Variants in RARB observed in about 807,000 individuals in gnomAD.
RARB encodes the protein retinoic acid receptor beta, also known as HBV-activated protein.
RARB carries 17 observed loss-of-function variants against 51.9 expected under a neutral mutation model. That is an observed-to-expected ratio of 0.33 (90% CI 0.22 to 0.49). The LOEUF (loss-of-function observed/expected upper bound fraction) is 0.49. Among genes scored for constraint, RARB ranks in the 20% least tolerant of loss-of-function variants. The pLI, the probability that RARB is intolerant of heterozygous loss-of-function variation, is 0.99. For synonymous variants in RARB, 215 were observed against 195.4 expected (o/e 1.10, Z -0.84); for missense variants, 369 against 550.8 (o/e 0.67, Z 3.30).
chr3:25,180,105 C>T (rs28699485), intron 5 of RARB, among the ~76,000 whole-genome samples: 238 of 152,182 alleles, frequency 1.6e-3, no homozygotes, highest in South Asian at 1.5e-3. Context: ...AAGTATGTCC[C>T]TAAGTAGAGG....
At chr3:24,843,436 G>A (rs1702443886) in intron 1 of RARB, among the ~76,000 whole-genome samples, 1 of 152,154 alleles carries the variant, frequency 6.6e-6, no homozygotes, top group South Asian at 2.1e-4. Flanking sequence ...TTTCTCACCT[G>A]TAAAAGAGAT....
intron 2 of RARB, among the ~76,000 whole-genome samples, chr3:25,055,891 G>A (rs1409437343): frequency 6.6e-6 from 1 of 152,114 alleles, no homozygotes; most frequent in Non-Finnish European, 1.5e-5. Flanking sequence ...GAGCTGCCAT[G>A]TTCTAAGATG....
intron 2 of RARB, among the ~76,000 whole-genome samples, chr3:24,909,933 T>C (rs1694954925): frequency 6.6e-6 from 1 of 152,180 alleles, no homozygotes; most frequent in Admixed American, 6.5e-5. Flanking sequence ...CAGTAAAGTG[T>C]CGAATTTCTA....
intron 1 of RARB, among the ~76,000 whole-genome samples, chr3:25,429,878 T>G (rs1708135395): frequency 6.6e-6 from 1 of 152,230 alleles, no homozygotes; most frequent in Admixed American, 6.5e-5. Context: ...ATGTTTTTAG[T>G]ACTTTATTTG....
At chr3:25,484,287 T>C (rs1413154085) in intron 2 of RARB, among the ~76,000 whole-genome samples, 1 of 152,224 alleles carries the variant, frequency 6.6e-6, no homozygotes, top group Non-Finnish European at 1.5e-5. Flanking sequence ...TGAGGTTTTC[T>C]TCATGTCCTG....
intron 4 of RARB, 84 bp downstream of exon 4, chr3:25,570,002 A>G (rs1700648024): frequency 1.4e-6 from 2 of 1,422,940 alleles, no homozygotes; most frequent in South Asian, 1.4e-5. Context: ...ACACACACAC[A>G]CACACACACA....
Position 25,231,813 on chromosome 3 carries a change from G to A in RARB, c.178+57238G>A, listed in dbSNP as rs59791229. ...GTTTTTAATATAATCTGCTTATATGGGTTTTTCAGAGATAAAACTTGCAAC... is the reference window on the plus strand; with the variant it reads ...GTTTTTAATATAATCTGCTTATATGAGTTTTTCAGAGATAAAACTTGCAAC... On this transcript the variant is annotated intron_variant, in intron 5 of 11. Coordinates refer to the RARB transcript ENST00000383772. 6.8e-3 allele frequency among the ~76,000 whole-genome samples: 1,039 copies of A among 152,092 alleles called. 12 individuals are homozygous for A. The highest frequency in any genetic ancestry group is 0.024 in the African/African-American group (987 of 41,490).
At chr3:25,160,112 ACTGTTT>A (rs1367460373) in intron 4 of RARB, among the ~76,000 whole-genome samples, 2 of 152,210 alleles carry the variant, frequency 1.3e-5, no homozygotes, top group African/African-American at 4.8e-5. Flanking sequence ...CTTTCCTGTA[ACTGTTT>A]AACTGTCTCC....
intron 3 of RARB, among the ~76,000 whole-genome samples, chr3:25,110,582 A>G (rs2125325079): frequency 6.6e-6 from 1 of 152,338 alleles, no homozygotes; most frequent in Non-Finnish European, 1.5e-5. Context: ...CACCTAGTAA[A>G]GGAGAACCAT....
intron 2 of RARB, among the ~76,000 whole-genome samples, chr3:24,945,609 A>G (rs180963231): frequency 5.9e-4 from 90 of 152,316 alleles, no homozygotes; most frequent in Non-Finnish European, 1.1e-3. Flanking sequence ...GACTTCTTTG[A>G]ATGAACGTAT....
chr3:24,875,219 T>C (rs561448606), intron 2 of RARB, among the ~76,000 whole-genome samples: 4 of 152,292 alleles, frequency 2.6e-5, no homozygotes, highest in African/African-American at 9.6e-5. Context: ...TGCATATTTT[T>C]AGTGAACCAA....
At chr3:25,544,075 G>A (rs1699504800) in intron 3 of RARB, among the ~76,000 whole-genome samples, 1 of 152,098 alleles carries the variant, frequency 6.6e-6, no homozygotes, top group Non-Finnish European at 1.5e-5. Context: ...ACTCATAGAA[G>A]GGAACACTAT....
chr3:25,391,502 A>G (rs922665283), intron 5 of RARB, among the ~76,000 whole-genome samples: 21 of 152,186 alleles, frequency 1.4e-4, no homozygotes, highest in African/African-American at 4.6e-4. Context: ...ACTAGTTTAC[A>G]TTCCCAATAG....
chr3:25,116,848 A>G (rs1604008), intron 3 of RARB, among the ~76,000 whole-genome samples: 148,043 of 152,162 alleles, frequency 0.97, 72,047 homozygotes, highest in African/African-American at 0.99. Context: ...GTGATTCATG[A>G]CAACTGAATA....
intron 2 of RARB, among the ~76,000 whole-genome samples, chr3:24,864,378 G>T (rs762253655): frequency 6.6e-6 from 1 of 152,116 alleles, no homozygotes. Flanking sequence ...GTCCAGTGTT[G>T]GTAGGCCTCT....
intron 2 of RARB, among the ~76,000 whole-genome samples, chr3:24,875,184 T>A (rs1250065450): frequency 6.6e-6 from 1 of 152,160 alleles, no homozygotes; most frequent in African/African-American, 2.4e-5. Context: ...TTTGGAATCA[T>A]TTTTCTTCTT....
rs1575205008 is a variant in RARB, at chr3:25,186,995, A to G, written c.178+12420A>G. Among the ~76,000 whole-genome samples, 3 of 151,004 alleles carry G rather than the reference A, an allele frequency of 2.0e-5. No individual in the cohort carries two copies. The South Asian group carries it at 6.3e-4, about 32-fold the overall frequency. ...AGTCATATCAGTCACACGATGGAAC[A>G]AAGGAAGTAGGATTTAATGGTAATA... On this transcript the variant is annotated intron_variant, in intron 5 of 11. Transcript: ENST00000383772.
intron 2 of RARB, among the ~76,000 whole-genome samples, chr3:24,974,927 G>A (rs1696479535): frequency 6.6e-6 from 1 of 152,140 alleles, no homozygotes; most frequent in African/African-American, 2.4e-5. Context: ...TACAAGGTTG[G>A]ATTGTTTAGC....
chr3:24,996,302 T>G (rs1283692004), intron 2 of RARB, among the ~76,000 whole-genome samples: 1 of 152,034 alleles, frequency 6.6e-6, no homozygotes, highest in Admixed American at 6.6e-5. Flanking sequence ...TTCACTGTGA[T>G]GTGTCCATTT....
Sources: allele counts gnomAD v4.1 joint callset (sites outside exome capture counted in the v4.1 genomes callset), GRCh38; gene constraint gnomAD v4.1.1; transcripts MANE v1.5; gene names NCBI Gene and HGNC (gene_info 2026-07-23, HGNC 2026-07-21).